MAP3K5: variants seen among roughly 807,000 people sequenced by gnomAD.
MAP3K5 encodes the protein ASK-1.
Under a neutral mutation model 158.7 loss-of-function variants are expected in MAP3K5, and 56 were observed. The ratio of observed to expected loss-of-function variants is 0.35; its 90% CI spans 0.28 to 0.44. The LOEUF is 0.44. MAP3K5 is among the 20% of genes least tolerant of loss of function. The pLI, the probability that MAP3K5 is intolerant of heterozygous loss-of-function variation, is 1.00. For missense variants in MAP3K5, 1,294 were observed against 1,674.8 expected (o/e 0.77, Z 3.97); for synonymous variants, 579 against 601.7 (o/e 0.96, Z 0.55).
chr6:136,579,876 AAAGCTGTAATTTTAAAGAC>A (rs1362838826), intron 25 of MAP3K5: 1 of 456,828 alleles, frequency 2.2e-6, no homozygotes, highest in Admixed American at 2.3e-5. Context: ...TGGGGCTTTG[AAAGCTGTAATTTTAAAGAC>A]AATTAAATTG....
intron 23 of MAP3K5, among the ~76,000 whole-genome samples, chr6:136,585,121 T>A (rs1775067130): frequency 1.4e-5 from 2 of 146,508 alleles, no homozygotes; most frequent in South Asian, 4.3e-4. Context: ...TTTTTTTTGT[T>A]TTTTTTTAAG....
chr6:136,567,660 C>T lies in MAP3K5; in HGVS notation c.3732G>A (p.Gln1244=), dbSNP rs1200515675. ...TGGTTTCTATTTTCATCCTTCCAAG[C>T]TGTACATTCAGTGACCGGTGAGCAC... ...SQSAHRSLNV[Q]LGRMKIETNR... Residue 1244 remains glutamine (Q), a synonymous_variant, in exon 26 of 30, where the codon CAG becomes CAA. Coordinates refer to ENST00000359015, the MANE Select transcript of MAP3K5 (RefSeq NM_005923.4). 1 of 1,614,044 alleles carries T rather than the reference C, an allele frequency of 6.2e-7. No individual in the cohort carries two copies. Among genetic ancestry groups the T allele is most frequent in the Non-Finnish European group, 8.5e-7 (1 of 1,180,010 alleles).
intron 24 of MAP3K5, among the ~76,000 whole-genome samples, chr6:136,582,845 T>G (rs1036793136): frequency 1.1e-4 from 16 of 152,214 alleles, no homozygotes; most frequent in Non-Finnish European, 1.8e-4. Flanking sequence ...GGAGGTGGCT[T>G]GAGGCTTTTT....
Position 136,792,389 on chromosome 6 carries a change from C to G in MAP3K5, c.-232G>C, listed in dbSNP as rs1339953293. ...CCTCCGTGGCCGCGCCGCTCGCCCT[C>G]TGCAGAGTTTAGAGTACAAGGGGTG... On this transcript the variant is annotated 5_prime_UTR_variant, in exon 1 of 30. Transcript: ENST00000359015. The surrounding 1 kb of genome is among the most constrained non-coding windows in gnomAD (Gnocchi z 5.7). 2 of 997,152 alleles carry G rather than the reference C, an allele frequency of 2.0e-6. No individual in the cohort carries two copies. Among genetic ancestry groups the G allele is most frequent in the African/African-American group, 3.5e-5 (2 of 57,250 alleles). 61.8% of individuals were successfully genotyped at this position (997,152 alleles called of 1,614,324 possible).
At chr6:136,619,816 T>C (rs1776723310) in intron 15 of MAP3K5, among the ~76,000 whole-genome samples, 2 of 152,116 alleles carry the variant, frequency 1.3e-5, no homozygotes, top group Non-Finnish European at 2.9e-5. Flanking sequence ...CAGAGGCTGA[T>C]ACAACAAACA....
intron 18 of MAP3K5, among the ~76,000 whole-genome samples, chr6:136,607,960 G>C (rs546326886): frequency 1.8e-4 from 27 of 152,178 alleles, no homozygotes; most frequent in Non-Finnish European, 2.2e-4. Flanking sequence ...CAGCAGGAAG[G>C]CTGCCATGGT....
intron 1 of MAP3K5, among the ~76,000 whole-genome samples, chr6:136,729,636 C>G (rs1393810952): frequency 6.6e-6 from 1 of 152,214 alleles, no homozygotes; most frequent in East Asian, 1.9e-4. Context: ...AGAAAGCCAA[C>G]ATAAAGAATT....
chr6:136,692,375 T>G (rs1290159182), intron 7 of MAP3K5, among the ~76,000 whole-genome samples: 1 of 152,192 alleles, frequency 6.6e-6, no homozygotes, highest in Non-Finnish European at 1.5e-5. Context: ...GTCCAGGTCC[T>G]CCGGCAGCCT....
At chr6:136,660,587 T>C (rs1029933105) in intron 8 of MAP3K5, among the ~76,000 whole-genome samples, 1 of 152,214 alleles carries the variant, frequency 6.6e-6, no homozygotes, top group African/African-American at 2.4e-5. Context: ...AATTCTACTA[T>C]GTCTTGTATT....
chr6:136,675,383 A>G (rs1405903312), intron 7 of MAP3K5, among the ~76,000 whole-genome samples: 2 of 152,124 alleles, frequency 1.3e-5, no homozygotes, highest in Admixed American at 6.5e-5. Flanking sequence ...ACTGTGTACC[A>G]TATTCTGGGC....
At chr6:136,569,126 T>C (rs1299518119) in intron 25 of MAP3K5, among the ~76,000 whole-genome samples, 3 of 152,092 alleles carry the variant, frequency 2.0e-5, no homozygotes, top group Non-Finnish European at 4.4e-5. Flanking sequence ...AGCAATAAGA[T>C]AACAAATTCC....
At chr6:136,762,930 G>A (rs1384741857) in intron 1 of MAP3K5, among the ~76,000 whole-genome samples, 1 of 152,158 alleles carries the variant, frequency 6.6e-6, no homozygotes, top group African/African-American at 2.4e-5. Flanking sequence ...CTATTTCCAA[G>A]GCTGCAATGA....
intron 1 of MAP3K5, among the ~76,000 whole-genome samples, chr6:136,733,788 A>G (rs1363007732): frequency 1.4e-5 from 2 of 148,140 alleles, no homozygotes; most frequent in East Asian, 3.9e-4. Context: ...ATGAGCCTAC[A>G]TTGACACATC....
chr6:136,635,168 G>A (rs1777562959), intron 14 of MAP3K5, among the ~76,000 whole-genome samples: 2 of 147,894 alleles, frequency 1.4e-5, no homozygotes, highest in Admixed American at 6.7e-5. Flanking sequence ...TAACATTGAA[G>A]AATACTTCAT....
chr6:136,636,281 C>A (rs1007586761), intron 14 of MAP3K5, among the ~76,000 whole-genome samples: 4 of 152,084 alleles, frequency 2.6e-5, no homozygotes, highest in African/African-American at 9.7e-5. Flanking sequence ...AGCAACAGGG[C>A]ACCTTCTATG....
intron 1 of MAP3K5, among the ~76,000 whole-genome samples, chr6:136,769,375 T>C (rs1784084944): frequency 6.6e-6 from 1 of 152,066 alleles, no homozygotes; most frequent in Non-Finnish European, 1.5e-5. Context: ...AACAGCAAAT[T>C]GGTACAGGGT....
chr6:136,753,370 A>C (rs1392586461), intron 1 of MAP3K5, among the ~76,000 whole-genome samples: 1 of 152,188 alleles, frequency 6.6e-6, no homozygotes, highest in African/African-American at 2.4e-5. Context: ...GGTGTTGATG[A>C]AAACACCTTT....
intron 1 of MAP3K5, among the ~76,000 whole-genome samples, chr6:136,784,084 C>T (rs1394054293): frequency 6.6e-6 from 1 of 152,196 alleles, no homozygotes; most frequent in East Asian, 1.9e-4. Flanking sequence ...CCAGCCAAGG[C>T]CACGGGTGAG....
At chr6:136,667,169 TAAGA>T (rs891620047) in intron 8 of MAP3K5, among the ~76,000 whole-genome samples, 1 of 152,114 alleles carries the variant, frequency 6.6e-6, no homozygotes, top group Admixed American at 6.5e-5. Flanking sequence ...CACCTTGAGT[TAAGA>T]ACAGAACAAT....
Sources: gnomAD v4.1 joint callset for allele counts (sites outside exome capture counted in the v4.1 genomes callset) on GRCh38, gnomAD v4.1.1 for gene constraint, Gnocchi (gnomAD v3.1) non-coding constraint, MANE v1.5 for transcripts, NCBI Gene and HGNC (gene_info 2026-07-23, HGNC 2026-07-21) for gene names.